Variants in NECAB1 observed in about 807,000 individuals in gnomAD.
NECAB1 encodes the protein N-terminal EF-hand calcium binding protein 1.
NECAB1 carries 29 observed loss-of-function variants against 57.5 expected under a neutral mutation model. That is an observed-to-expected ratio of 0.50 (90% confidence interval 0.38 to 0.69). NECAB1 has a LOEUF of 0.69. NECAB1 is among the 30% of genes least tolerant of loss of function. The pLI, the probability that NECAB1 is intolerant of heterozygous loss-of-function variation, is 0.00. For missense variants in NECAB1, 372 were observed against 413.8 expected, an observed-to-expected ratio of 0.90 and a Z score of 0.88; for synonymous variants, 142 against 147.7, an observed-to-expected ratio of 0.96 and a Z score of 0.28.
chr8:90,917,840 C>CTATATATATATATATATATATATATATA (rs34288387), intron 6 of NECAB1, among the ~76,000 whole-genome samples: 7 of 47,326 alleles, frequency 1.5e-4, no homozygotes, highest in Admixed American at 5.2e-4. Context: ...ATTTAGTAAA[C>CTATATATATATATATATATATATATATA]TATATATATA....
intron 5 of NECAB1, among the ~76,000 whole-genome samples, chr8:90,909,079 T>A (rs1300696782): frequency 6.6e-6 from 1 of 152,148 alleles, no homozygotes. Flanking sequence ...CTGAACTCTA[T>A]CTTTGCTAGA....
chr8:90,794,553 C>T (rs1035375672), intron 1 of NECAB1, among the ~76,000 whole-genome samples: 3 of 152,100 alleles, frequency 2.0e-5, no homozygotes, highest in African/African-American at 7.2e-5. Context: ...CTACTGAGAA[C>T]ACTATTAATG....
chr8:90,927,204 C>CTCTTTTTTTTTTTTTTTTTTT (rs10630870), intron 7 of NECAB1, among the ~76,000 whole-genome samples: 1 of 131,132 alleles, frequency 7.6e-6, no homozygotes, highest in Non-Finnish European at 1.6e-5. Flanking sequence ...TTTTCTCTCT[C>CTCTTTTTTTTTTTTTTTTTTT]TTTTTTTTTT....
chr8:90,828,860 G>A (rs894958892), intron 3 of NECAB1, among the ~76,000 whole-genome samples: 2 of 151,940 alleles, frequency 1.3e-5, no homozygotes, highest in Non-Finnish European at 2.9e-5. Context: ...GCAAAGTATT[G>A]CTGAAAACTT....
At chr8:90,830,438 G>T (rs186568487) in intron 3 of NECAB1, among the ~76,000 whole-genome samples, 200 of 152,130 alleles carry the variant, frequency 1.3e-3, no homozygotes, top group African/African-American at 4.6e-3. Context: ...TATATCAAGA[G>T]AACAAAGTAA....
At chr8:90,821,644 C>A (rs770348735) in intron 2 of NECAB1, among the ~76,000 whole-genome samples, 7 of 151,776 alleles carry the variant, frequency 4.6e-5, no homozygotes, top group Admixed American at 1.3e-4. Flanking sequence ...TTCTGGGAAA[C>A]CTTCCCTATC....
intron 3 of NECAB1, among the ~76,000 whole-genome samples, chr8:90,848,320 A>G (rs189936509): frequency 3.9e-5 from 6 of 152,312 alleles, no homozygotes; most frequent in Admixed American, 1.3e-4. Context: ...CATTTTGAGA[A>G]AAGCCATTCA....
At chr8:90,792,055 C>A (rs1811584396) in intron 1 of NECAB1, 70 bp downstream of exon 1, 18 of 1,272,826 alleles carry the variant, frequency 1.4e-5, no homozygotes, top group Non-Finnish European at 1.8e-5. Flanking sequence ...GGAAGGGGTT[C>A]GGCTCAGGTG....
intron 3 of NECAB1, among the ~76,000 whole-genome samples, chr8:90,871,470 T>TG (rs1808619990): frequency 6.6e-6 from 1 of 152,202 alleles, no homozygotes; most frequent in African/African-American, 2.4e-5. Flanking sequence ...TTCATCTTGA[T>TG]GTTTGGCATT....
chr8:90,859,823 T>A (rs902288083), intron 3 of NECAB1, among the ~76,000 whole-genome samples: 17 of 152,132 alleles, frequency 1.1e-4, no homozygotes, highest in Non-Finnish European at 1.9e-4. Flanking sequence ...ATTTAATATA[T>A]CTTTTTTTAC....
chr8:90,816,971 G>C (rs1437596712), intron 2 of NECAB1, among the ~76,000 whole-genome samples: 1 of 151,450 alleles, frequency 6.6e-6, no homozygotes, highest in African/African-American at 2.4e-5. Flanking sequence ...TACTTACTTA[G>C]ATCCTATTTA....
intron 3 of NECAB1, among the ~76,000 whole-genome samples, chr8:90,828,144 T>C (rs1033323327): frequency 6.6e-6 from 1 of 151,652 alleles, no homozygotes; most frequent in Non-Finnish European, 1.5e-5. Context: ...TTTTTTTTTT[T>C]CTTTTGTATG....
Position 90,885,758 on chromosome 8 carries a change from G to C in NECAB1, c.357+4628G>C, listed in dbSNP as rs150624867. On this transcript the variant is annotated intron_variant, in intron 5 of 12. Coordinates refer to ENST00000417640, the MANE Select transcript of NECAB1 (RefSeq NM_022351.5). ...ACATACTATAAATATGCAGCTGTAG[G>C]TTCTATCATGACACAAAACATTTCT... 1.8e-3 allele frequency among the ~76,000 whole-genome samples: 269 copies of C among 152,172 alleles called. 2 individuals carry two copies. The highest frequency in any genetic ancestry group is 6.2e-3 in the African/African-American group (256 of 41,494).
chr8:90,814,960 T>G (rs773301432), intron 2 of NECAB1, among the ~76,000 whole-genome samples: 2 of 152,120 alleles, frequency 1.3e-5, no homozygotes, highest in Admixed American at 6.5e-5. Context: ...TATCTATAAA[T>G]ATTTCTGTAT....
intron 9 of NECAB1, 175 bp from the exon 10 acceptor site, chr8:90,940,611 C>T: frequency 3.7e-6 from 2 of 540,962 alleles, no homozygotes; most frequent in South Asian, 5.4e-5. Flanking sequence ...AAATATCTTG[C>T]CTAGATTACA....
At chr8:90,885,123 G>T (rs778208019) in intron 5 of NECAB1, among the ~76,000 whole-genome samples, 1 of 152,204 alleles carries the variant, frequency 6.6e-6, no homozygotes, top group Non-Finnish European at 1.5e-5. Flanking sequence ...ATGTGAGCAT[G>T]ACTTTGGGTA....
intron 5 of NECAB1, among the ~76,000 whole-genome samples, chr8:90,887,232 CCTGA>C (rs1369315294): frequency 2.0e-5 from 3 of 152,086 alleles, no homozygotes; most frequent in Admixed American, 6.6e-5. Flanking sequence ...TCTTTAATGC[CCTGA>C]CTATCTTCTC....
chr8:90,906,891 A>ATGTATGTATG (rs1554574081), intron 5 of NECAB1, among the ~76,000 whole-genome samples: 1 of 113,414 alleles, frequency 8.8e-6, no homozygotes, highest in Non-Finnish European at 1.8e-5. Flanking sequence ...ATATATATAT[A>ATGTATGTATG]TATATATATA....
intron 5 of NECAB1, among the ~76,000 whole-genome samples, chr8:90,910,756 G>A (rs186303523): frequency 6.0e-4 from 91 of 152,152 alleles, no homozygotes; most frequent in African/African-American, 1.9e-3. Context: ...AACCACTTTT[G>A]GATAAAATGA....
Sources: allele counts gnomAD v4.1 joint callset (sites outside exome capture counted in the v4.1 genomes callset), GRCh38; gene constraint gnomAD v4.1.1; transcripts MANE v1.5; gene names NCBI Gene and HGNC (gene_info 2026-07-23, HGNC 2026-07-21).